Variants in ACTR3C observed in about 807,000 individuals in gnomAD.
The protein encoded by ACTR3C is actin-related protein 3C.
A neutral mutation model predicts 26.3 loss-of-function variants in ACTR3C; 18 were observed. The observed-to-expected ratio is 0.68, with a 90% CI of 0.47 to 1.01. The LOEUF is 1.01. Ranked by LOEUF, ACTR3C falls within the 50% of genes least tolerant of loss-of-function variation. The pLI is 0.00. For missense variants in ACTR3C, 184 were observed against 250.7 expected (o/e 0.73, Z 1.80); for synonymous variants, 55 against 94.5 (o/e 0.58, Z 2.42).
At chr7:150,131,128 C>G in the ACTR3C span, among the ~76,000 whole-genome samples, 5 of 152,276 alleles carry the variant, frequency 3.3e-5, no homozygotes, top group African/African-American at 1.2e-4. Context: ...TGAATGCATA[C>G]TGTATCTCAA....
chr7:149,979,310 A>G, the ACTR3C span, among the ~76,000 whole-genome samples: 355 of 152,338 alleles, frequency 2.3e-3, 4 homozygotes, highest in African/African-American at 8.3e-3. Context: ...TGGGGAGAGA[A>G]AGAAATCTGC....
At chr7:149,910,533 A>G in the ACTR3C span, among the ~76,000 whole-genome samples, 1 of 152,158 alleles carries the variant, frequency 6.6e-6, no homozygotes, top group Admixed American at 6.5e-5. Context: ...GCGGTAAGTA[A>G]ATCGAGAAGA....
chr7:150,004,009 G>A, the ACTR3C span, among the ~76,000 whole-genome samples: 133 of 152,090 alleles, frequency 8.7e-4, no homozygotes, highest in Non-Finnish European at 4.7e-4. Context: ...AGGTTGTGTG[G>A]CATGTGGTGT....
the ACTR3C span, among the ~76,000 whole-genome samples, chr7:150,183,382 C>A: frequency 2.0e-5 from 3 of 149,312 alleles, no homozygotes; most frequent in Admixed American, 6.6e-5. Flanking sequence ...CTTCGATAAA[C>A]ATCAACATTG....
chr7:150,174,429 C>T, the ACTR3C span, among the ~76,000 whole-genome samples: 1 of 140,596 alleles, frequency 7.1e-6, no homozygotes, highest in Admixed American at 6.7e-5. Context: ...TTACCTCCCC[C>T]TGGGTCCCTC....
chr7:149,964,752 T>A, the ACTR3C span, among the ~76,000 whole-genome samples: 2 of 152,058 alleles, frequency 1.3e-5, no homozygotes, highest in Non-Finnish European at 2.9e-5. Context: ...AACCAGCAAA[T>A]CAATCAGCTG....
chr7:150,079,493 G>A, the ACTR3C span, among the ~76,000 whole-genome samples: 3 of 152,160 alleles, frequency 2.0e-5, no homozygotes, highest in Non-Finnish European at 4.4e-5. Flanking sequence ...GCTGCAATGT[G>A]AGCATTGGCA....
At chr7:149,907,491 T>TC in the ACTR3C span, among the ~76,000 whole-genome samples, 2 of 148,384 alleles carry the variant, frequency 1.3e-5, no homozygotes, top group Admixed American at 6.7e-5. Flanking sequence ...TCTCTCTCTC[T>TC]CTCTCTCTCT....
the ACTR3C span, among the ~76,000 whole-genome samples, chr7:150,135,615 AAAAT>A: frequency 6.6e-6 from 1 of 152,234 alleles, no homozygotes; most frequent in African/African-American, 2.4e-5. Flanking sequence ...ATTATTTCAG[AAAAT>A]AAATATTATG....
chr7:149,997,885 A>AC, the ACTR3C span, among the ~76,000 whole-genome samples: 11 of 149,766 alleles, frequency 7.3e-5, 1 homozygote, highest in African/African-American at 2.7e-4. Flanking sequence ...TAGACATTTT[A>AC]TGGGGCAAGA....
chr7:150,060,393 A>G, the ACTR3C span, among the ~76,000 whole-genome samples: 1 of 152,014 alleles, frequency 6.6e-6, no homozygotes, highest in Non-Finnish European at 1.5e-5. Flanking sequence ...CACTTCTTAC[A>G]GCTTCATGGA....
Position 150,298,197 on chromosome 7 carries a change from T to TA in ACTR3C, c.-51-2851dup, listed in dbSNP as rs1054953347. Among the ~76,000 whole-genome samples the TA allele has an allele frequency of 3.3e-5, 5 of 150,472 alleles. 1 individual carries two copies. Among genetic ancestry groups the TA allele is most frequent in the African/African-American group, 1.2e-4 (5 of 40,502 alleles). ...ACAGCAGGAAGGAGCTAGTTACCCC[T>TA]AAACAAATACAGGGTAAACATATCA... is the stretch of plus-strand genomic sequence containing the variant. On this transcript the variant is annotated intron_variant, in intron 1 of 7. Coordinates refer to ENST00000683684, the MANE Select transcript of ACTR3C (RefSeq NM_001164458.2).
chr7:150,123,965 G>A, the ACTR3C span, among the ~76,000 whole-genome samples: 4 of 152,110 alleles, frequency 2.6e-5, no homozygotes, highest in Non-Finnish European at 5.9e-5. Flanking sequence ...TGGCAGCCCC[G>A]ATGTCCCTTC....
chr7:150,092,084 T>C, the ACTR3C span, among the ~76,000 whole-genome samples: 2 of 145,514 alleles, frequency 1.4e-5, no homozygotes, highest in African/African-American at 2.5e-5. Context: ...TGGACTCTGC[T>C]GTGAGCTTTT....
chr7:149,888,869 G>A, the ACTR3C span, among the ~76,000 whole-genome samples: 2 of 152,082 alleles, frequency 1.3e-5, no homozygotes, highest in African/African-American at 2.4e-5. Context: ...GTAGCCGGAC[G>A]TGGTGGTGAG....
At chr7:150,241,322 T>A (rs1037177920), downstream of ACTR3C, among the ~76,000 whole-genome samples, 1 of 152,116 alleles carries the variant, frequency 6.6e-6, no homozygotes, top group Non-Finnish European at 1.5e-5. Context: ...ATGGGGTAAA[T>A]TTGACTCACA....
At chr7:149,936,999 A>C in the ACTR3C span, among the ~76,000 whole-genome samples, 6 of 151,508 alleles carry the variant, frequency 4.0e-5, no homozygotes, top group African/African-American at 1.5e-4. Flanking sequence ...TATGTTGCCC[A>C]GGCTGGGCTG....
chr7:150,107,855 G>C, the ACTR3C span, among the ~76,000 whole-genome samples: 1 of 151,954 alleles, frequency 6.6e-6, no homozygotes, highest in Non-Finnish European at 1.5e-5. Flanking sequence ...CCCTTATAGG[G>C]TGAGGAACTG....
chr7:150,047,309 A>G, the ACTR3C span, among the ~76,000 whole-genome samples: 1 of 152,204 alleles, frequency 6.6e-6, no homozygotes, highest in East Asian at 1.9e-4. Flanking sequence ...TTAAAAACAG[A>G]CATCCGCACA....
Sources: allele counts gnomAD v4.1 joint callset (sites outside exome capture counted in the v4.1 genomes callset), GRCh38; gene constraint gnomAD v4.1.1; transcripts MANE v1.5; gene names NCBI Gene and HGNC (gene_info 2026-07-23, HGNC 2026-07-21).